Variants in GNPAT observed in about 807,000 individuals in gnomAD.
GNPAT encodes glyceronephosphate O-acyltransferase, also known as dihydroxyacetone phosphate acyltransferase.
In GNPAT, 30 loss-of-function variants were observed where a neutral mutation model predicts 78.4. The ratio of observed to expected loss-of-function variants is 0.38; its 90% CI spans 0.29 to 0.52. The LOEUF is 0.52. Among genes scored for constraint, GNPAT ranks in the 20% least tolerant of loss-of-function variants. The probability of loss-of-function intolerance (pLI) is 0.84; values close to 1 mark genes in which losing one functional copy is unlikely to be tolerated. For missense variants in GNPAT, 714 were observed against 812.2 expected, an observed-to-expected ratio of 0.88 and a Z score of 1.47; for synonymous variants, 271 against 281.1, an observed-to-expected ratio of 0.96 and a Z score of 0.36.
At chr1:231,266,432 T>G (rs1330895204) in intron 8 of GNPAT, 25 bp downstream of exon 8, 1 of 1,604,398 alleles carries the variant, frequency 6.2e-7, no homozygotes, top group African/African-American at 1.3e-5. Flanking sequence ...TTAATAACTG[T>G]CTTAGAAATG....
chr1:231,268,162 G>A (rs1558335928), intron 9 of GNPAT, among the ~76,000 whole-genome samples: 1 of 152,110 alleles, frequency 6.6e-6, no homozygotes, highest in Non-Finnish European at 1.5e-5. Flanking sequence ...AATTAACCAG[G>A]CGTGGTGGTA....
At chr1:231,246,061 CATT>C (rs1684738615) in intron 1 of GNPAT, among the ~76,000 whole-genome samples, 1 of 152,126 alleles carries the variant, frequency 6.6e-6, no homozygotes, top group Admixed American at 6.6e-5. Context: ...AACATTTTCT[CATT>C]ATTGTACTAT....
chr1:231,277,353 G>C (rs111292269), intron 15 of GNPAT, 146 bp from the exon 16 acceptor site: 2 of 675,534 alleles, frequency 3.0e-6, no homozygotes, highest in Non-Finnish European at 5.4e-6. Context: ...TGTGGAGGGG[G>C]CTGGCGTCCC....
At chr1:231,247,298 AT>A (rs1408218217) in intron 1 of GNPAT, among the ~76,000 whole-genome samples, 1 of 152,158 alleles carries the variant, frequency 6.6e-6, no homozygotes, top group Non-Finnish European at 1.5e-5. Flanking sequence ...TTATTTTTTC[AT>A]TCTACAGTGG....
At chr1:231,254,980 T>G (rs767434013) in intron 2 of GNPAT, among the ~76,000 whole-genome samples, 2 of 151,994 alleles carry the variant, frequency 1.3e-5, no homozygotes, top group Non-Finnish European at 2.9e-5. Context: ...CTTGAACTCC[T>G]GACCTCAGGT....
chr1:231,265,723 T>A lies in GNPAT; in HGVS notation c.708T>A (p.Ala236=). Residue 236 remains alanine (A), a synonymous_variant, in exon 6 of 16, where the codon GCT becomes GCA. Transcript: ENST00000366647. ...YVKTMLRNGY[A]PVEFFLEGTR... is the part of the protein sequence containing the mutation. ...TTTTCTCTTTAAAGAATGGTTATGC[T>A]CCTGTTGAATTTTTCCTCGAAGGGA... 6.3e-7 allele frequency: 1 copy of A among 1,592,070 alleles called. No homozygotes were observed. The highest frequency in any genetic ancestry group is 8.6e-7 in the Non-Finnish European group (1 of 1,159,802).
At chr1:231,269,586 C>T (rs868550020) in intron 9 of GNPAT, among the ~76,000 whole-genome samples, 1 of 152,148 alleles carries the variant, frequency 6.6e-6, no homozygotes, top group South Asian at 2.1e-4. Flanking sequence ...AGAGACAAAT[C>T]AGACACCTGT....
chr1:231,260,390 A>G (rs1022871495), intron 2 of GNPAT, 117 bp from the exon 3 acceptor site: 5 of 771,804 alleles, frequency 6.5e-6, no homozygotes, highest in African/African-American at 1.7e-5. Context: ...AGAAGACACT[A>G]TCTTTGAGTT....
chr1:231,275,535 A>G lies in GNPAT; in HGVS notation c.1937+37A>G, dbSNP rs760362177. The G allele has an allele frequency of 1.5e-5, 17 of 1,126,568 alleles. No individual in the cohort carries two copies. In the East Asian group the frequency reaches 3.5e-4, roughly 23 times the overall value. 69.8% of individuals were successfully genotyped at this position (1,126,568 alleles called of 1,614,324 possible). ...ACAAGATCCCATGAGTGCTCAAGGA[A>G]CAAGGAAATGAATGACATTTGAGCT... is the stretch of plus-strand genomic sequence containing the variant. On this transcript the variant is annotated intron_variant, in intron 14 of 15. Coordinates refer to ENST00000366647, the MANE Select transcript of GNPAT (RefSeq NM_014236.4).
chr1:231,265,999 C>T lies in GNPAT; in HGVS notation c.773-15C>T, dbSNP rs1175705796. The T allele has an allele frequency of 1.9e-6, 3 of 1,608,844 alleles. No homozygotes were observed. Among genetic ancestry groups the T allele is most frequent in the Middle Eastern group, 1.8e-4 (1 of 5,710 alleles). ...TTCAATATGTTGATGAAGCATTTCTCCCTGTGTTTTGCAGGTCTTCTGAAT... is the reference window on the plus strand; with the variant it reads ...TTCAATATGTTGATGAAGCATTTCTTCCTGTGTTTTGCAGGTCTTCTGAAT... On this transcript the variant is annotated splice_polypyrimidine_tract_variant and intron_variant, in intron 6 of 15. Coordinates refer to ENST00000366647, the MANE Select transcript of GNPAT (RefSeq NM_014236.4).
intron 4 of GNPAT, among the ~76,000 whole-genome samples, chr1:231,264,475 CT>C (rs1308026914): frequency 1.3e-5 from 2 of 152,112 alleles, no homozygotes; most frequent in Non-Finnish European, 2.9e-5. Context: ...TATCCACTCC[CT>C]TTTAGGGTAG....
chr1:231,275,619 T>A, intron 14 of GNPAT, 121 bp downstream of exon 14: 1 of 721,026 alleles, frequency 1.4e-6, no homozygotes. Flanking sequence ...CTACTTTCCT[T>A]ATCCATCCTC....
chr1:231,266,356 G>T lies in GNPAT; in HGVS notation c.1004G>T (p.Arg335Leu). The part of the protein sequence containing the change: ...HVYFGDPVSL[R>L]SLAAGRMSRS... The stretch of plus-strand genomic sequence containing the variant: ...TACTTTGGAGATCCTGTGTCACTTC[G>T]ATCTTTGGCAGCTGGGAGGATGAGT... The change falls in exon 8 of 16, where the codon CGA (arginine) becomes CTA (leucine). Residue 335 changes from arginine to leucine, a missense_variant. Arg to Leu is a moderately radical substitution (Grantham distance 102, BLOSUM62 -2). Coordinates refer to ENST00000366647, the MANE Select transcript of GNPAT (RefSeq NM_014236.4). 1.9e-6 allele frequency: 3 copies of T among 1,614,006 alleles called. No homozygotes were observed. The highest frequency in any genetic ancestry group is 2.5e-6 in the Non-Finnish European group (3 of 1,179,900).
chr1:231,252,357 CCA>C (rs1684920982), intron 2 of GNPAT, among the ~76,000 whole-genome samples: 2 of 152,134 alleles, frequency 1.3e-5, no homozygotes, highest in Non-Finnish European at 2.9e-5. Context: ...TAAGAGGGAA[CCA>C]GTTTGGGAGG....
At chr1:231,266,882 A>G (rs1685404478) in intron 8 of GNPAT, among the ~76,000 whole-genome samples, 1 of 152,216 alleles carries the variant, frequency 6.6e-6, no homozygotes, top group African/African-American at 2.4e-5. Flanking sequence ...GAACACAGAT[A>G]CACATTTGAG....
chr1:231,270,647 T>C (rs185762595), intron 9 of GNPAT, 111 bp from the exon 10 acceptor site: 1 of 1,045,440 alleles, frequency 9.6e-7, no homozygotes, highest in Admixed American at 1.7e-5. Flanking sequence ...GTAAAACCTG[T>C]CACTTGAAAA....
At chr1:231,273,568 A>G (rs1174583694) in intron 11 of GNPAT, among the ~76,000 whole-genome samples, 4 of 152,136 alleles carry the variant, frequency 2.6e-5, no homozygotes, top group Non-Finnish European at 4.4e-5. Flanking sequence ...TTTTAACCAT[A>G]GCATAATTCT....
intron 2 of GNPAT, among the ~76,000 whole-genome samples, chr1:231,254,941 T>TG (rs757880982): frequency 5.9e-5 from 9 of 151,876 alleles, no homozygotes; most frequent in South Asian, 2.1e-4. Flanking sequence ...TCAGTAGAGA[T>TG]GGGGTCTCAC....
intron 2 of GNPAT, among the ~76,000 whole-genome samples, chr1:231,252,549 C>T (rs984964556): frequency 2.0e-5 from 3 of 152,278 alleles, no homozygotes; most frequent in Non-Finnish European, 4.4e-5. Flanking sequence ...GGCTTGGTCC[C>T]GCCCAGATCC....
Sources: allele counts gnomAD v4.1 joint callset (sites outside exome capture counted in the v4.1 genomes callset), GRCh38; gene constraint gnomAD v4.1.1; transcripts MANE v1.5; gene names NCBI Gene and HGNC (gene_info 2026-07-23, HGNC 2026-07-21).